Variants in MGAT4C observed in about 807,000 individuals in gnomAD.
The protein encoded by MGAT4C is alpha-1,3-mannosyl-glycoprotein 4-beta-N-acetylglucosaminyltransferase C.
Under a neutral mutation model 40.1 loss-of-function variants are expected in MGAT4C, and 19 were observed. The observed-to-expected ratio is 0.47, with a 90% confidence interval of 0.33 to 0.70. The LOEUF (loss-of-function observed/expected upper bound fraction) is 0.70. Among genes scored for constraint, MGAT4C ranks in the 30% least tolerant of loss-of-function variants. The pLI, the probability that MGAT4C is intolerant of heterozygous loss-of-function variation, is 0.02. For missense variants in MGAT4C, 491 were observed against 563.2 expected, an observed-to-expected ratio of 0.87 and a Z score of 1.30; for synonymous variants, 181 against 187.1, an observed-to-expected ratio of 0.97 and a Z score of 0.27.
At chr12:86,390,570 G>A (rs992555297) in intron 3 of MGAT4C, among the ~76,000 whole-genome samples, 3 of 152,024 alleles carry the variant, frequency 2.0e-5, no homozygotes, top group Non-Finnish European at 2.9e-5. Flanking sequence ...ATACATTTGA[G>A]AAGAAACTTA....
chr12:86,819,245 G>T (rs73181394), intron 1 of MGAT4C, among the ~76,000 whole-genome samples: 13,007 of 150,758 alleles, frequency 0.086, 777 homozygotes, highest in Middle Eastern at 0.22. Flanking sequence ...ATAAAAAACT[G>T]AAGCTAAAAT....
chr12:86,802,884 T>G (rs1468422996), intron 1 of MGAT4C, among the ~76,000 whole-genome samples: 1 of 140,856 alleles, frequency 7.1e-6, no homozygotes, highest in Non-Finnish European at 1.5e-5. Flanking sequence ...AAGCTACCAA[T>G]GCCTTTCTTC....
At chr12:86,734,394 G>T (rs1331568408) in intron 1 of MGAT4C, among the ~76,000 whole-genome samples, 1 of 151,986 alleles carries the variant, frequency 6.6e-6, no homozygotes, top group Non-Finnish European at 1.5e-5. Flanking sequence ...ATGTGCAGGG[G>T]CTGAACTTGA....
intron 1 of MGAT4C, among the ~76,000 whole-genome samples, chr12:86,749,230 CT>C (rs1335773388): frequency 6.6e-6 from 1 of 151,564 alleles, no homozygotes; most frequent in South Asian, 2.1e-4. Flanking sequence ...AATAGATGCA[CT>C]TTAAATATTT....
intron 4 of MGAT4C, among the ~76,000 whole-genome samples, chr12:86,284,279 T>C (rs939140050): frequency 2.0e-5 from 3 of 151,908 alleles, no homozygotes; most frequent in Admixed American, 2.0e-4. Flanking sequence ...TGAATGTTTA[T>C]ATATATATAA....
intron 4 of MGAT4C, among the ~76,000 whole-genome samples, chr12:86,287,898 G>T (rs1260271296): frequency 1.3e-5 from 2 of 152,086 alleles, no homozygotes; most frequent in Non-Finnish European, 2.9e-5. Context: ...TGGTATTTCT[G>T]GTTCTAGATC....
At chr12:86,313,328 G>A (rs1954124621) in intron 4 of MGAT4C, among the ~76,000 whole-genome samples, 2 of 152,088 alleles carry the variant, frequency 1.3e-5, no homozygotes, top group Non-Finnish European at 2.9e-5. Context: ...GCAGGTAAGA[G>A]ATATGGAGAA....
At chr12:86,748,997 T>C (rs1207795961) in intron 1 of MGAT4C, among the ~76,000 whole-genome samples, 1 of 151,180 alleles carries the variant, frequency 6.6e-6, no homozygotes, top group Non-Finnish European at 1.5e-5. Context: ...AGCTGACACA[T>C]TGTTTTCTTT....
intron 1 of MGAT4C, among the ~76,000 whole-genome samples, chr12:86,108,648 G>A (rs1876655023): frequency 6.6e-6 from 1 of 152,030 alleles, no homozygotes; most frequent in South Asian, 2.1e-4. Flanking sequence ...TTCGTGTCCT[G>A]AAAAATCCTT....
At chr12:86,512,400 C>A (rs1958603130) in intron 2 of MGAT4C, among the ~76,000 whole-genome samples, 1 of 152,068 alleles carries the variant, frequency 6.6e-6, no homozygotes, top group African/African-American at 2.4e-5. Context: ...CAACATCCTA[C>A]TTCTGTATAT....
At chr12:86,003,991 T>A (rs1315267184) in intron 2 of MGAT4C, among the ~76,000 whole-genome samples, 1 of 152,124 alleles carries the variant, frequency 6.6e-6, no homozygotes, top group Non-Finnish European at 1.5e-5. Context: ...ACTGAGAGCT[T>A]GCAATTTAAA....
chr12:86,552,059 T>G (rs1959394375), intron 2 of MGAT4C, among the ~76,000 whole-genome samples: 1 of 147,412 alleles, frequency 6.8e-6, no homozygotes, highest in South Asian at 2.1e-4. Context: ...AACAGACACT[T>G]CTAAAATAAC....
At chr12:86,784,373 T>C (rs1394505809) in intron 1 of MGAT4C, among the ~76,000 whole-genome samples, 8 of 152,086 alleles carry the variant, frequency 5.3e-5, no homozygotes, top group African/African-American at 1.7e-4. Flanking sequence ...TACTCTTGTA[T>C]TTTCCTATGA....
chr12:85,986,834 A>G (rs932663945), intron 3 of MGAT4C, among the ~76,000 whole-genome samples: 1 of 152,154 alleles, frequency 6.6e-6, no homozygotes, highest in South Asian at 2.1e-4. Context: ...AAGAAATTGC[A>G]TTATATTCTT....
intron 2 of MGAT4C, among the ~76,000 whole-genome samples, chr12:86,497,121 C>T (rs1221343170): frequency 6.6e-6 from 1 of 151,894 alleles, no homozygotes; most frequent in Non-Finnish European, 1.5e-5. Flanking sequence ...GCTACAATTG[C>T]TAAGAACTTA....
intron 1 of MGAT4C, among the ~76,000 whole-genome samples, chr12:86,816,833 T>A (rs559275430): frequency 6.6e-6 from 1 of 151,660 alleles, no homozygotes. Context: ...GTGGTTATTA[T>A]TTATTTTGCT....
chr12:86,244,657 A>G (rs979476909), intron 1 of MGAT4C, among the ~76,000 whole-genome samples: 2 of 152,358 alleles, frequency 1.3e-5, no homozygotes, highest in Admixed American at 6.5e-5. Flanking sequence ...AGAGAAGGCA[A>G]TGGTCAATTT....
At chr12:86,107,207 A>G (rs1309793937) in intron 1 of MGAT4C, among the ~76,000 whole-genome samples, 1 of 152,224 alleles carries the variant, frequency 6.6e-6, no homozygotes, top group Non-Finnish European at 1.5e-5. Flanking sequence ...AGAAGTTTTA[A>G]TTGTATGAGC....
At chr12:86,520,299 C>G (rs1376064518) in intron 2 of MGAT4C, among the ~76,000 whole-genome samples, 1 of 152,166 alleles carries the variant, frequency 6.6e-6, no homozygotes, top group Admixed American at 6.5e-5. Context: ...TTAGCTCCCA[C>G]TTATAAGTGA....
Sources: allele counts gnomAD v4.1 joint callset (sites outside exome capture counted in the v4.1 genomes callset), GRCh38; gene constraint gnomAD v4.1.1; transcripts MANE v1.5; gene names NCBI Gene and HGNC (gene_info 2026-07-23, HGNC 2026-07-21).